The following NEK11 variants were observed in gnomAD, a reference collection of about 807,000 sequenced individuals.
NEK11 encodes serine/threonine-protein kinase Nek11.
In NEK11, 72 loss-of-function variants were observed where a neutral mutation model predicts 80.7. The ratio of observed to expected loss-of-function variants is 0.89; its 90% CI spans 0.74 to 1.08. NEK11 has a LOEUF of 1.08. NEK11 is among the 50% of genes least tolerant of loss of function. NEK11 has a pLI of 0.00. For synonymous variants in NEK11, 251 were observed against 260.7 expected (o/e 0.96, Z 0.36); for missense variants, 764 against 763.6 (o/e 1.00, Z -0.01).
At chr3:131,185,532 C>T (rs181186763) in intron 14 of NEK11, among the ~76,000 whole-genome samples, 1 of 152,210 alleles carries the variant, frequency 6.6e-6, no homozygotes, top group East Asian at 1.9e-4. Flanking sequence ...CCTACTGTCC[C>T]CCACCAACTC....
intron 14 of NEK11, among the ~76,000 whole-genome samples, chr3:131,226,338 A>G (rs1353511216): frequency 1.3e-5 from 2 of 152,168 alleles, no homozygotes; most frequent in African/African-American, 2.4e-5. Context: ...CTTTATTAAC[A>G]TGGCTTCTAG....
At chr3:131,147,691 A>G (rs1348290374) in intron 7 of NEK11, among the ~76,000 whole-genome samples, 1 of 152,050 alleles carries the variant, frequency 6.6e-6, no homozygotes, top group African/African-American at 2.4e-5. Context: ...TTATAGAAAT[A>G]AAGGGCTTTG....
chr3:131,259,422 C>G (rs900430276), intron 16 of NEK11, among the ~76,000 whole-genome samples: 4 of 152,128 alleles, frequency 2.6e-5, no homozygotes, highest in South Asian at 2.1e-4. Flanking sequence ...TATCAAATAC[C>G]CAACTTATTA....
intron 17 of NEK11, among the ~76,000 whole-genome samples, chr3:131,314,126 A>G (rs2096810100): frequency 7.7e-6 from 1 of 130,660 alleles, no homozygotes; most frequent in Admixed American, 7.7e-5. Context: ...CCATGGAGAA[A>G]AAGAGTGTGT....
chr3:131,137,885 C>T (rs1361127601), intron 7 of NEK11, among the ~76,000 whole-genome samples: 2 of 152,092 alleles, frequency 1.3e-5, no homozygotes, highest in Non-Finnish European at 2.9e-5. Flanking sequence ...CTTGTGGGTA[C>T]ACAGTAGATG....
chr3:131,284,181 C>T (rs1186164824), intron 17 of NEK11, among the ~76,000 whole-genome samples: 3 of 152,226 alleles, frequency 2.0e-5, no homozygotes, highest in Non-Finnish European at 2.9e-5. Flanking sequence ...TCATGCACTT[C>T]TCCCTGAAAT....
At chr3:131,154,103 C>T (rs566534463) in intron 9 of NEK11, among the ~76,000 whole-genome samples, 10 of 152,140 alleles carry the variant, frequency 6.6e-5, no homozygotes, top group East Asian at 1.9e-4. Flanking sequence ...GAAGCCCATG[C>T]GGTCATGGGG....
chr3:131,030,154 G>A (rs531186823), intron 3 of NEK11, among the ~76,000 whole-genome samples: 4 of 152,052 alleles, frequency 2.6e-5, no homozygotes, highest in African/African-American at 9.6e-5. Flanking sequence ...CACAAGAATT[G>A]CTTAAACCCA....
At chr3:131,029,496 T>A in intron 2 of NEK11, 117 bp from the exon 3 acceptor site, 1 of 390,282 alleles carries the variant, frequency 2.6e-6, no homozygotes, top group Non-Finnish European at 4.5e-6. Flanking sequence ...TTTCAAGTTG[T>A]TAACCAATAT....
intron 7 of NEK11, 29 bp downstream of exon 7, chr3:131,133,985 A>C: frequency 6.4e-7 from 1 of 1,551,144 alleles, no homozygotes. Context: ...TAGACTCTTC[A>C]TCTGCTTCCC....
At chr3:131,186,088 C>A (rs9856537) in intron 14 of NEK11, among the ~76,000 whole-genome samples, 1 of 152,036 alleles carries the variant, frequency 6.6e-6, no homozygotes, top group East Asian at 1.9e-4. Flanking sequence ...TAAAGGAGTA[C>A]AATCAGTGTC....
intron 16 of NEK11, among the ~76,000 whole-genome samples, chr3:131,249,093 AC>A (rs1336380031): frequency 6.6e-6 from 1 of 151,992 alleles, no homozygotes; most frequent in Non-Finnish European, 1.5e-5. Context: ...CACTAACATG[AC>A]AAAAAAGGAA....
At chr3:131,270,123 A>C (rs896702841) in intron 16 of NEK11, among the ~76,000 whole-genome samples, 1 of 152,246 alleles carries the variant, frequency 6.6e-6, no homozygotes, top group Admixed American at 6.5e-5. Flanking sequence ...TCCCCTGCAG[A>C]GTATCTGCCC....
At chr3:131,169,155 G>A (rs1321902352) in intron 13 of NEK11, among the ~76,000 whole-genome samples, 2 of 152,170 alleles carry the variant, frequency 1.3e-5, no homozygotes, top group African/African-American at 4.8e-5. Context: ...AATGTGATAA[G>A]GAGAAGAGGA....
chr3:131,190,224 G>C (rs2093741878), intron 14 of NEK11, among the ~76,000 whole-genome samples: 1 of 152,180 alleles, frequency 6.6e-6, no homozygotes, highest in African/African-American at 2.4e-5. Context: ...GCACTCACAT[G>C]TGCCCGGCAC....
chr3:131,297,582 G>A (rs1177943381), intron 17 of NEK11, among the ~76,000 whole-genome samples: 1 of 152,114 alleles, frequency 6.6e-6, no homozygotes, highest in Non-Finnish European at 1.5e-5. Context: ...CAGATGAGTA[G>A]GTTGCGAAAA....
chr3:131,110,468 G>A (rs570690484), intron 5 of NEK11, among the ~76,000 whole-genome samples: 6 of 152,182 alleles, frequency 3.9e-5, no homozygotes, highest in Non-Finnish European at 8.8e-5. Flanking sequence ...CAATTATTTT[G>A]ATTATCTGTG....
At chr3:131,098,781 G>A (rs534767047) in intron 4 of NEK11, among the ~76,000 whole-genome samples, 8 of 151,428 alleles carry the variant, frequency 5.3e-5, no homozygotes, top group African/African-American at 1.9e-4. Context: ...TCACCATGTT[G>A]GTCAGGCTGA....
chr3:131,306,359 G>T (rs1166214754), intron 17 of NEK11, among the ~76,000 whole-genome samples: 1 of 152,040 alleles, frequency 6.6e-6, no homozygotes, highest in Non-Finnish European at 1.5e-5. Context: ...TAAGTGTAGG[G>T]GGAGGAGAAG....
Sources: allele counts gnomAD v4.1 joint callset (sites outside exome capture counted in the v4.1 genomes callset), GRCh38; gene constraint gnomAD v4.1.1; transcripts MANE v1.5; gene names NCBI Gene and HGNC (gene_info 2026-07-23, HGNC 2026-07-21).